The following CERT1 variants were observed in gnomAD, a reference collection of about 807,000 sequenced individuals.
The protein encoded by CERT1 is ceramide transfer protein.
In CERT1, 31 loss-of-function variants were observed where a neutral mutation model predicts 87.9. That is an observed-to-expected ratio of 0.35 (90% CI 0.27 to 0.48). CERT1 has a LOEUF of 0.48. Ranked by LOEUF, CERT1 falls within the 20% of genes least tolerant of loss-of-function variation. CERT1 has a pLI of 0.99. For synonymous variants in CERT1, 289 were observed against 250.9 expected, an observed-to-expected ratio of 1.15 and a Z score of -1.44; for missense variants, 487 against 758.0, an observed-to-expected ratio of 0.64 and a Z score of 4.20.
At chr5:75,483,652 G>GA (rs1389271755) in intron 2 of CERT1, among the ~76,000 whole-genome samples, 1 of 152,068 alleles carries the variant, frequency 6.6e-6, no homozygotes, top group East Asian at 1.9e-4. Flanking sequence ...ACATCTAGCA[G>GA]AAGACTTCTC....
In CERT1 at chr5:75,389,634, T is replaced by C. The variant is rs1444158937; in HGVS notation, c.1242A>G (p.Gly414=). The C allele has an allele frequency of 6.2e-7, 1 of 1,614,142 alleles. No homozygotes were observed. The highest frequency in any genetic ancestry group is 8.5e-7 in the Non-Finnish European group (1 of 1,179,988). The change falls in exon 12 of 17, where the codon GGA becomes GGG. Residue 414 remains glycine, a synonymous_variant. Transcript: ENST00000643780. ...CTACAACCAACTGCCAATTGGCATC[T>C]CCGCCTACATCCTGTAATGAGTAAG... ...HMTYSLQDVG[G]DANWQLVVEE... is the part of the protein sequence containing the mutation.
chr5:75,490,348 A>T (rs966158906), intron 2 of CERT1, among the ~76,000 whole-genome samples: 1 of 152,084 alleles, frequency 6.6e-6, no homozygotes, highest in Non-Finnish European at 1.5e-5. Context: ...AGTATAATAA[A>T]AAACCTTTTT....
intron 3 of CERT1, among the ~76,000 whole-genome samples, chr5:75,428,021 A>G (rs1685250754): frequency 6.6e-6 from 1 of 152,184 alleles, no homozygotes; most frequent in South Asian, 2.1e-4. Flanking sequence ...GTTATAGAAA[A>G]TATATCCATT....
intron 2 of CERT1, among the ~76,000 whole-genome samples, chr5:75,503,921 T>TAAATTAAATGTTTAATTTAAATTAAA (rs1767530808): frequency 3.8e-3 from 1 of 262 alleles, no homozygotes; most frequent in Non-Finnish European, 9.1e-3. Flanking sequence ...ATTTAAAATT[T>TAAATTAAATGTTTAATTTAAATTAAA]TCTTTTCTCC....
rs1358853975 is a variant in CERT1, at chr5:75,379,436, C to T, written c.1785G>A (p.Arg595=). The T allele has an allele frequency of 3.1e-6, 5 of 1,613,872 alleles. No individual in the cohort carries two copies. Among genetic ancestry groups the T allele is most frequent in the South Asian group, 2.2e-5 (2 of 91,076 alleles). ...PGGWAPASVL[R]AVAKREYPKF... ...TAGGATACTCTCGCTTTGCCACTGC[C>T]CTTAACACTGAGGCTGGTGCCCATC... The change falls in exon 17 of 17, where the codon AGG becomes AGA. Residue 595 remains arginine (R), a synonymous_variant. Transcript: ENST00000643780.
At chr5:75,428,651 A>G (rs950750207) in intron 3 of CERT1, among the ~76,000 whole-genome samples, 5 of 151,358 alleles carry the variant, frequency 3.3e-5, no homozygotes, top group Admixed American at 3.3e-4. Context: ...GCAGTCTGAC[A>G]TGGGTGAAAG....
chr5:75,468,904 C>T (rs1328672395), intron 2 of CERT1, among the ~76,000 whole-genome samples: 2 of 152,118 alleles, frequency 1.3e-5, no homozygotes, highest in Non-Finnish European at 2.9e-5. Context: ...CAGGAAGGAT[C>T]CAGAACAACC....
intron 2 of CERT1, among the ~76,000 whole-genome samples, chr5:75,472,930 A>C (rs559889418): frequency 6.6e-6 from 1 of 152,324 alleles, no homozygotes; most frequent in Admixed American, 6.5e-5. Context: ...AAGTAAATAA[A>C]ATCAGTATGT....
intron 2 of CERT1, among the ~76,000 whole-genome samples, chr5:75,499,303 G>A (rs1767230824): frequency 6.6e-6 from 1 of 152,170 alleles, no homozygotes; most frequent in African/African-American, 2.4e-5. Flanking sequence ...AGATTTGGGA[G>A]GGGCCAGGGG....
chr5:75,500,998 T>TG (rs372169797), intron 2 of CERT1, among the ~76,000 whole-genome samples: 28 of 151,832 alleles, frequency 1.8e-4, no homozygotes, highest in African/African-American at 6.5e-4. Flanking sequence ...TTTTTTGTTT[T>TG]TTTTTTTTGA....
At chr5:75,400,873 A>G (rs1004056562) in intron 9 of CERT1, 3 of 126,988 alleles carry the variant, frequency 2.4e-5, no homozygotes, top group Non-Finnish European at 5.4e-5. Context: ...GTTCTCATTT[A>G]TTTCAACCAA....
At chr5:75,495,315 G>C (rs1000227566) in intron 2 of CERT1, among the ~76,000 whole-genome samples, 3 of 152,048 alleles carry the variant, frequency 2.0e-5, no homozygotes, top group Admixed American at 2.0e-4. Context: ...CCAGAACTTT[G>C]GGAGGCTGAG....
At chr5:75,489,551 G>T (rs957331471) in intron 2 of CERT1, among the ~76,000 whole-genome samples, 1 of 151,378 alleles carries the variant, frequency 6.6e-6, no homozygotes, top group African/African-American at 2.4e-5. Flanking sequence ...AGATTTATAA[G>T]AAAAAAAATC....
rs141643550 is a variant in CERT1, at chr5:75,462,114, G to A, written c.232-2933C>T. On this transcript the variant is annotated intron_variant, in intron 2 of 16. Transcript: ENST00000643780. ...TCCTTAAATTTTGTGATTGAGGTAA[G>A]TTCCTCACTGGTCTCATTTTCCTTG... is the stretch of plus-strand genomic sequence containing the variant. Among the ~76,000 whole-genome samples, 274 of 152,238 alleles carry A rather than the reference G, an allele frequency of 1.8e-3. 2 individuals carry two copies. Among genetic ancestry groups the A allele is most frequent in the Non-Finnish European group, 3.4e-3 (233 of 68,010 alleles).
chr5:75,510,384 T>TA (rs1045589933), intron 1 of CERT1, among the ~76,000 whole-genome samples: 20 of 152,180 alleles, frequency 1.3e-4, no homozygotes, highest in African/African-American at 4.3e-4. Flanking sequence ...ACAGGGATTT[T>TA]AAAAAATATA....
intron 3 of CERT1, among the ~76,000 whole-genome samples, chr5:75,441,907 T>C (rs529559382): frequency 6.6e-6 from 1 of 152,346 alleles, no homozygotes; most frequent in South Asian, 2.1e-4. Flanking sequence ...TTTCATTTCT[T>C]TTGGGTAAAT....
intron 12 of CERT1, among the ~76,000 whole-genome samples, chr5:75,388,640 A>ATATATATATATATC (rs1491495747): frequency 9.1e-6 from 1 of 109,910 alleles, no homozygotes; most frequent in Non-Finnish European, 1.9e-5. Flanking sequence ...ATATATATAT[A>ATATATATATATATC]TCTCACACAG....
chr5:75,422,608 C>T (rs937094784), intron 5 of CERT1, among the ~76,000 whole-genome samples: 4 of 152,060 alleles, frequency 2.6e-5, no homozygotes, highest in Non-Finnish European at 5.9e-5. Context: ...CAGAGGGAGA[C>T]CCAGTATCAA....
chr5:75,387,325 T>C (rs1419818193), intron 12 of CERT1, among the ~76,000 whole-genome samples: 1 of 152,240 alleles, frequency 6.6e-6, no homozygotes, highest in Non-Finnish European at 1.5e-5. Flanking sequence ...ATGTCTTCGC[T>C]AAGACATCCA....
Sources: allele counts gnomAD v4.1 joint callset (sites outside exome capture counted in the v4.1 genomes callset), GRCh38; gene constraint gnomAD v4.1.1; transcripts MANE v1.5; gene names NCBI Gene and HGNC (gene_info 2026-07-23, HGNC 2026-07-21).